The following KIFC3 variants were observed in gnomAD, a reference collection of about 807,000 sequenced individuals.
The protein encoded by KIFC3 is kinesin family member C3, also known as kinesin-like protein KIFC3.
A neutral mutation model predicts 101.8 loss-of-function variants in KIFC3; 60 were observed. That is an observed-to-expected ratio of 0.59 (90% CI 0.48 to 0.73). KIFC3 has a LOEUF of 0.73. Ranked by LOEUF, KIFC3 falls within the 30% of genes least tolerant of loss-of-function variation. The pLI is 0.00. For missense variants in KIFC3, 966 were observed against 1,137.1 expected (o/e 0.85, Z 2.16); for synonymous variants, 476 against 482.7 (o/e 0.99, Z 0.18).
At chr16:57,841,105 G>A (rs1451699637) in intron 1 of KIFC3, among the ~76,000 whole-genome samples, 1 of 152,260 alleles carries the variant, frequency 6.6e-6, no homozygotes, top group Non-Finnish European at 1.5e-5. Flanking sequence ...TATCAGCAGA[G>A]ACGGAACAAT....
At chr16:57,759,561 C>T (rs531342434) in intron 18 of KIFC3, 167 bp downstream of exon 18, 19 of 604,704 alleles carry the variant, frequency 3.1e-5, no homozygotes, top group African/African-American at 2.2e-4. Flanking sequence ...ACAGCACTGT[C>T]TGCCCTGACT....
chr16:57,787,254 GC>G (rs1262332581), intron 3 of KIFC3, among the ~76,000 whole-genome samples: 7 of 152,222 alleles, frequency 4.6e-5, no homozygotes, highest in Admixed American at 2.0e-4. Flanking sequence ...TGTGGGAGGG[GC>G]CCAGCAGGAG....
chr16:57,821,007 C>G (rs556202734), intron 1 of KIFC3, among the ~76,000 whole-genome samples: 1 of 152,164 alleles, frequency 6.6e-6, no homozygotes, highest in East Asian at 1.9e-4. Flanking sequence ...TAGCACACAC[C>G]TATAGTCCCA....
chr16:57,781,967 C>G, intron 3 of KIFC3: 1 of 985,368 alleles, frequency 1.0e-6, no homozygotes, highest in Non-Finnish European at 1.2e-6. Context: ...AGAAAGCAGC[C>G]GATCAGAAGC....
At chr16:57,807,989 A>G (rs575556406), upstream of KIFC3, 2 of 151,128 alleles carry the variant, frequency 1.3e-5, no homozygotes, top group Non-Finnish European at 2.9e-5. Context: ...AATAAAAAGG[A>G]AACCACCTTG....
Position 57,761,022 on chromosome 16 carries a change from AGGCTG to A in KIFC3, c.2002+15_2002+19del. 6.2e-7 allele frequency: 1 copy of A among 1,603,606 alleles called. No individual in the cohort carries two copies. ...TTGGGGTTGTGGGGATCCTCAGGCCAGGCTGCCTGCCACTCTCACCCGTGGTGCGG... is the reference window on the plus strand; with the variant it reads ...TTGGGGTTGTGGGGATCCTCAGGCCACCTGCCACTCTCACCCGTGGTGCGG... On this transcript the variant is annotated intron_variant, in intron 15 of 19. Transcript: ENST00000445690.
At chr16:57,807,225 A>G (rs1226187926), upstream of KIFC3, among the ~76,000 whole-genome samples, 2 of 150,688 alleles carry the variant, frequency 1.3e-5, no homozygotes, top group Non-Finnish European at 3.0e-5. Context: ...TAAAAAAAGA[A>G]AAAAAAAAAC....
intron 1 of KIFC3, among the ~76,000 whole-genome samples, chr16:57,846,947 G>A (rs1432965685): frequency 2.0e-5 from 3 of 152,102 alleles, no homozygotes; most frequent in Admixed American, 6.6e-5. Flanking sequence ...CACTTCAGGA[G>A]GCCAAGGTGG....
intron 1 of KIFC3, chr16:57,810,802 C>T: frequency 1.8e-6 from 1 of 549,208 alleles, no homozygotes; most frequent in Non-Finnish European, 2.3e-6. Context: ...TTATTATTCC[C>T]ATTGTACAGA....
intron 17 of KIFC3, 133 bp downstream of exon 17, chr16:57,760,149 T>C: frequency 9.2e-7 from 1 of 1,086,188 alleles, no homozygotes; most frequent in Non-Finnish European, 1.3e-6. Flanking sequence ...GTTCCAGCCG[T>C]AGCTCCACCC....
chr16:57,765,081 G>A (rs2050323216), intron 11 of KIFC3, among the ~76,000 whole-genome samples: 1 of 152,176 alleles, frequency 6.6e-6, no homozygotes, highest in South Asian at 2.1e-4. Context: ...TGGTGGAAGG[G>A]GCTGTGGATA....
At chr16:57,759,539 T>A in intron 18 of KIFC3, 189 bp downstream of exon 18, 1 of 587,636 alleles carries the variant, frequency 1.7e-6, no homozygotes, top group Non-Finnish European at 3.0e-6. Context: ...ATTTCCCACC[T>A]GCAGAACGGA....
Position 57,798,246 on chromosome 16 carries a change from C to CCTG in KIFC3, c.-6_-4dup, listed in dbSNP as rs1203232224. ...CACGTCCTGCGAGAGGGGACCATGGCCTGGGGCTCAGCAGCCTCCTCGGGG... is the reference window on the plus strand; with the variant it reads ...CACGTCCTGCGAGAGGGGACCATGGCCTGCTGGGGCTCAGCAGCCTCCTCGGGG... On this transcript the variant is annotated 5_prime_UTR_variant, in exon 2 of 20. Transcript: ENST00000445690. 2 of 1,552,054 alleles carry CCTG rather than the reference C, an allele frequency of 1.3e-6. No individual in the cohort carries two copies. The highest frequency in any genetic ancestry group is 2.7e-5 in the African/African-American group (2 of 73,470).
At chr16:57,779,197 A>G (rs2052448238) in intron 3 of KIFC3, among the ~76,000 whole-genome samples, 1 of 152,252 alleles carries the variant, frequency 6.6e-6, no homozygotes, top group African/African-American at 2.4e-5. Context: ...GGATGAATGG[A>G]AAAACAAAAC....
rs782100933 is a variant in KIFC3, at chr16:57,764,227, G to A, written c.1533C>T (p.Ala511=). ...SQQDVFQEVQ[A]LVTSCIDGFN... is the part of the protein sequence containing the mutation. ...AGCCATCAATGCAAGAGGTGACCAG[G>A]GCCTGCACCTCCTGGAACACCTGGG... is the stretch of plus-strand genomic sequence containing the variant. The change falls in exon 12 of 20, where the codon GCC becomes GCT. Residue 511 remains alanine (A), a synonymous_variant. Coordinates refer to ENST00000445690, the MANE Select transcript of KIFC3 (RefSeq NM_001130100.2). The A allele has an allele frequency of 2.5e-6, 4 of 1,610,826 alleles. No homozygotes were observed.
intron 3 of KIFC3, among the ~76,000 whole-genome samples, chr16:57,786,965 G>C (rs1048236734): frequency 8.5e-5 from 13 of 152,206 alleles, no homozygotes; most frequent in African/African-American, 3.1e-4. Flanking sequence ...TCCTCCACCC[G>C]AGCACTCCAG....
In KIFC3 at chr16:57,771,679, G is replaced by A. The variant is rs1555608673; in HGVS notation, c.389C>T (p.Thr130Ile). The A allele has an allele frequency of 1.9e-6, 3 of 1,611,364 alleles. No homozygotes were observed. Among genetic ancestry groups the A allele is most frequent in the Non-Finnish European group, 2.5e-6 (3 of 1,179,194 alleles). The change falls in exon 5 of 20, where the codon ACC (threonine) becomes ATC (isoleucine). Residue 130 changes from threonine (T) to isoleucine (I), a missense_variant. Thr to Ile is a moderately conservative substitution (Grantham distance 89). Around this residue, in one of 2 missense-constraint regions of KIFC3, gnomAD observed 277 missense variants for 252.5 expected, o/e 1.10. Coordinates refer to ENST00000445690, the MANE Select transcript of KIFC3 (RefSeq NM_001130100.2). ...VSRLRSELGG[T>I]DLEKHRDLLM... ...CAGGTCCCGGTGCTTCTCCAAGTCG[G>A]TGCCCCCCTGCAGAGAGCCAGGGCC...
Position 57,802,416 on chromosome 16 carries a change from T to TCGGCC in KIFC3, c.-91_-87dup, listed in dbSNP as rs1184594341. On this transcript the variant is annotated 5_prime_UTR_variant, in exon 1 of 20. Transcript: ENST00000445690. The surrounding 1 kb of genome is among the most constrained non-coding windows in gnomAD (Gnocchi z 5.0). ...CAGGCGTCGCCGCAGCGCCCGGGGC[T>TCGGCC]CGGCCCGGCCCGGCCCGCCGGCAGG... 64 of 982,528 alleles carry TCGGCC rather than the reference T, an allele frequency of 6.5e-5. No homozygotes were observed. The Middle Eastern group carries it at 1.6e-3, about 24-fold the overall frequency. 60.9% of individuals were successfully genotyped at this position (982,528 alleles called of 1,614,324 possible). A position where few individuals can be genotyped will look rare whatever the true frequency, so the allele number is the denominator to read the frequency against.
chr16:57,770,067 C>T, intron 7 of KIFC3, 112 bp from the exon 8 acceptor site: 1 of 1,220,208 alleles, frequency 8.2e-7, no homozygotes, highest in Non-Finnish European at 1.1e-6. Flanking sequence ...CACATGCACA[C>T]ACACATGTGC....
Sources: gnomAD v4.1 joint callset for allele counts (sites outside exome capture counted in the v4.1 genomes callset) on GRCh38, gnomAD v4.1.1 for gene constraint, gnomAD v4.1.1 regional missense constraint, Gnocchi (gnomAD v3.1) non-coding constraint, MANE v1.5 for transcripts, NCBI Gene and HGNC (gene_info 2026-07-23, HGNC 2026-07-21) for gene names.